Variants in UBP1 observed in about 807,000 individuals in gnomAD.
UBP1 encodes upstream-binding protein 1.
In UBP1, 22 loss-of-function variants were observed where a neutral mutation model predicts 76.1. The observed-to-expected ratio is 0.29, with a 90% CI of 0.21 to 0.41. The LOEUF (loss-of-function observed/expected upper bound fraction) is 0.41, where lower values mean the gene tolerates loss of function less well. UBP1 is among the 10% of genes least tolerant of loss of function. The pLI, the probability that UBP1 is intolerant of heterozygous loss-of-function variation, is 1.00. For missense variants in UBP1, 436 were observed against 668.1 expected, an observed-to-expected ratio of 0.65 and a Z score of 3.83; for synonymous variants, 224 against 237.1, an observed-to-expected ratio of 0.94 and a Z score of 0.51.
chr3:33,428,206 A>T (rs2045053400), intron 1 of UBP1, among the ~76,000 whole-genome samples: 1 of 149,622 alleles, frequency 6.7e-6, no homozygotes, highest in Admixed American at 6.7e-5. Context: ...AAAAAAAAGA[A>T]TCAGATCACC....
At chr3:33,440,630 C>G (rs951401261), upstream of UBP1, 3 of 152,370 alleles carry the variant, frequency 2.0e-5, no homozygotes, top group African/African-American at 7.2e-5. Flanking sequence ...TGCCAGTTTC[C>G]GCCCCTTCTA....
chr3:33,418,264 T>C (rs2044781074), intron 2 of UBP1, among the ~76,000 whole-genome samples: 2 of 152,138 alleles, frequency 1.3e-5, no homozygotes, highest in Admixed American at 6.5e-5. Context: ...TATTTATTTA[T>C]TTATTTTGAC....
intron 2 of UBP1, among the ~76,000 whole-genome samples, chr3:33,422,807 G>A (rs1559688505): frequency 1.3e-5 from 2 of 151,646 alleles, no homozygotes; most frequent in Admixed American, 6.6e-5. Flanking sequence ...AAAAAGAAAA[G>A]GAAGGGAAGG....
At chr3:33,401,197 G>A (rs985885415) in intron 9 of UBP1, among the ~76,000 whole-genome samples, 181 bp from the exon 10 acceptor site, 4 of 152,120 alleles carry the variant, frequency 2.6e-5, no homozygotes, top group Non-Finnish European at 5.9e-5. Flanking sequence ...ACATGATGAC[G>A]AAATTAAGAC....
chr3:33,409,108 TCA>T (rs1575470655), intron 7 of UBP1, 126 bp downstream of exon 7: 1 of 900,588 alleles, frequency 1.1e-6, no homozygotes, highest in South Asian at 1.7e-5. Context: ...CCCAGAAATT[TCA>T]CAGAGAATAA....
chr3:33,439,618 C>T (rs1476148579), intron 1 of UBP1, 118 bp downstream of exon 1: 1 of 1,118,978 alleles, frequency 8.9e-7, no homozygotes, highest in South Asian at 1.6e-5. Flanking sequence ...AGGACTCCGA[C>T]CCCGCAGCCC....
At chr3:33,411,744 T>C in intron 4 of UBP1, 57 bp from the exon 5 acceptor site, 4 of 1,321,156 alleles carry the variant, frequency 3.0e-6, no homozygotes, top group South Asian at 2.4e-5. Flanking sequence ...TTAAAAAACT[T>C]ACAACTTACT....
At chr3:33,440,631 G>GC (rs1463234458), upstream of UBP1, 3 of 152,478 alleles carry the variant, frequency 2.0e-5, no homozygotes, top group Non-Finnish European at 1.5e-5. Context: ...GCCAGTTTCC[G>GC]CCCCTTCTAG....
rs916708399 is a variant in UBP1, at chr3:33,390,114, C to T, written c.*217G>A. The T allele has an allele frequency of 1.7e-5, 9 of 534,778 alleles. No homozygotes were observed. Among genetic ancestry groups the T allele is most frequent in the Admixed American group, 3.2e-5 (1 of 30,890 alleles). 33.1% of individuals were successfully genotyped at this position (534,778 alleles called of 1,614,324 possible). On this transcript the variant is annotated 3_prime_UTR_variant, in exon 16 of 16. Transcript: ENST00000283629. ...CGTGGCCTCCAGAGCTGGATGCATG[C>T]TGTGCCGATGTGCTCACTCTCATGA...
chr3:33,441,302 C>A (rs2045298538), upstream of UBP1: 1 of 152,288 alleles, frequency 6.6e-6, no homozygotes, highest in Admixed American at 6.5e-5. Flanking sequence ...TCCTTAGGAG[C>A]GGCTGCTGGC....
chr3:33,398,270 G>C (rs933564177), intron 11 of UBP1: 4 of 152,176 alleles, frequency 2.6e-5, no homozygotes, highest in Non-Finnish European at 5.9e-5. Context: ...TTTTTTAAAG[G>C]CTCAAATGCA....
intron 14 of UBP1, chr3:33,393,071 T>C (rs1028738658): frequency 1.4e-5 from 6 of 426,506 alleles, no homozygotes; most frequent in East Asian, 1.2e-4. Flanking sequence ...GCCCCAGTGA[T>C]TGGCTGCATC....
At chr3:33,439,222 G>A (rs949050949) in intron 1 of UBP1, among the ~76,000 whole-genome samples, 3 of 152,152 alleles carry the variant, frequency 2.0e-5, no homozygotes, top group African/African-American at 7.2e-5. Context: ...ACAAAACGAA[G>A]TCACAGTGCT....
intron 1 of UBP1, among the ~76,000 whole-genome samples, chr3:33,426,001 AT>A (rs2045006997): frequency 2.0e-5 from 1 of 49,536 alleles, no homozygotes; most frequent in Non-Finnish European, 4.1e-5. Context: ...CTCTGAATAT[AT>A]ATATATATAT....
rs975023447 is a variant in UBP1 at position 33,389,252 on chromosome 3, T to C, written c.*1079A>G. Reference sequence around the variant, plus strand: ...CCAGAATGTCTATCCATGATTGTACTAAAGCTCAATATTTGAGAGGCTTAA... The same window carrying C: ...CCAGAATGTCTATCCATGATTGTACCAAAGCTCAATATTTGAGAGGCTTAA... On this transcript the variant is annotated 3_prime_UTR_variant, in exon 16 of 16. Transcript: ENST00000283629. 3 of 152,656 alleles carry C rather than the reference T, an allele frequency of 2.0e-5. No individual in the cohort carries two copies. Among genetic ancestry groups the C allele is most frequent in the Admixed American group, 6.5e-5 (1 of 15,282 alleles). 9.5% of individuals were successfully genotyped at this position (152,656 alleles called of 1,614,324 possible).
intron 1 of UBP1, among the ~76,000 whole-genome samples, chr3:33,434,151 C>A (rs147290160): frequency 6.6e-6 from 1 of 151,924 alleles, no homozygotes; most frequent in Non-Finnish European, 1.5e-5. Context: ...CTTACAGGGG[C>A]GGGGGAACCC....
Position 33,408,866 on chromosome 3 carries a change from C to T in UBP1, c.820-69G>A, listed in dbSNP as rs191768116. On this transcript the variant is annotated intron_variant, in intron 7 of 15. Coordinates refer to ENST00000283629, the MANE Select transcript of UBP1 (RefSeq NM_014517.5). ...CAAAGAAAGATCTAACACCCTGTTTCATGTCTCTTCAGTCCAATTAAACAA... is the reference window on the plus strand; with the variant it reads ...CAAAGAAAGATCTAACACCCTGTTTTATGTCTCTTCAGTCCAATTAAACAA... 18 of 1,312,496 alleles carry T rather than the reference C, an allele frequency of 1.4e-5. No homozygotes were observed. In the East Asian group the frequency reaches 3.0e-4, roughly 22 times the overall value. The allele number at this position is 1,312,496 out of a possible 1,614,324, so 81.3% of individuals were successfully genotyped here. A position where few individuals can be genotyped will look rare whatever the true frequency, so the allele number is the denominator to read the frequency against.
At chr3:33,430,235 T>C (rs559491631) in intron 1 of UBP1, among the ~76,000 whole-genome samples, 1 of 152,242 alleles carries the variant, frequency 6.6e-6, no homozygotes, top group Non-Finnish European at 1.5e-5. Flanking sequence ...CTACCCAAAC[T>C]GAGGAAAGAA....
At chr3:33,436,874 T>C (rs1016152359) in intron 1 of UBP1, among the ~76,000 whole-genome samples, 9 of 152,232 alleles carry the variant, frequency 5.9e-5, no homozygotes, top group Admixed American at 6.5e-5. Context: ...TTAACATCTA[T>C]GACCCTCAGA....
Sources: allele counts gnomAD v4.1 joint callset (sites outside exome capture counted in the v4.1 genomes callset), GRCh38; gene constraint gnomAD v4.1.1; transcripts MANE v1.5; gene names NCBI Gene and HGNC (gene_info 2026-07-23, HGNC 2026-07-21).